The following CCDC171 variants were observed in gnomAD, a reference collection of about 807,000 sequenced individuals.
CCDC171 encodes the protein coiled-coil domain-containing protein 171.
Under a neutral mutation model 168.2 loss-of-function variants are expected in CCDC171, and 177 were observed. The ratio of observed to expected loss-of-function variants is 1.05; its 90% CI spans 0.93 to 1.19. The LOEUF (loss-of-function observed/expected upper bound fraction) is 1.19, where lower values mean the gene tolerates loss of function less well. Ranked by LOEUF, CCDC171 falls within the 50% of genes most tolerant of loss-of-function variation. The probability of loss-of-function intolerance (pLI) is 0.00; values close to 1 mark genes in which losing one functional copy is unlikely to be tolerated. For missense variants in CCDC171, 1,991 were observed against 1,539.0 expected, an observed-to-expected ratio of 1.29 and a Z score of -4.91; for synonymous variants, 687 against 540.8, an observed-to-expected ratio of 1.27 and a Z score of -3.75.
In CCDC171 at chr9:15,587,139, C is replaced by T. The variant is rs150623479; in HGVS notation, c.353-4227C>T. On this transcript the variant is annotated intron_variant, in intron 4 of 25. Coordinates refer to ENST00000380701, the MANE Select transcript of CCDC171 (RefSeq NM_173550.4). ...CCAGCTTCCTTTATATATTGACTTC[C>T]CCAAAAGCTAACACCTGGATTTCTA... Among the ~76,000 whole-genome samples, 239 of 152,154 alleles carry T rather than the reference C, an allele frequency of 1.6e-3. 1 individual carries two copies. Among genetic ancestry groups the T allele is most frequent in the African/African-American group, 5.0e-3 (207 of 41,492 alleles).
chr9:15,600,314 G>A (rs2042738103), intron 6 of CCDC171, among the ~76,000 whole-genome samples: 1 of 152,118 alleles, frequency 6.6e-6, no homozygotes, highest in South Asian at 2.1e-4. Flanking sequence ...ATGGGGTTTT[G>A]GTGTGGGTGT....
At chr9:16,093,415 C>T in the CCDC171 span, among the ~76,000 whole-genome samples, 1 of 152,166 alleles carries the variant, frequency 6.6e-6, no homozygotes, top group Non-Finnish European at 1.5e-5. Context: ...ACCCCACCAG[C>T]CCCATTTCTA....
At chr9:15,938,407 A>G (rs995208635) in intron 25 of CCDC171, among the ~76,000 whole-genome samples, 1 of 151,942 alleles carries the variant, frequency 6.6e-6, no homozygotes, top group Non-Finnish European at 1.5e-5. Context: ...AAGCTTAAAT[A>G]AAAGTTTTAC....
At chr9:15,698,494 C>G (rs1019023364) in intron 11 of CCDC171, among the ~76,000 whole-genome samples, 1 of 147,446 alleles carries the variant, frequency 6.8e-6, no homozygotes, top group African/African-American at 2.5e-5. Flanking sequence ...GCACTCCAGC[C>G]TGGGCAACAG....
At chr9:15,689,652 A>G (rs371946520) in intron 10 of CCDC171, among the ~76,000 whole-genome samples, 1 of 152,338 alleles carries the variant, frequency 6.6e-6, no homozygotes, top group East Asian at 1.9e-4. Flanking sequence ...CAGAGGTTGC[A>G]GTGAGCCAAG....
At chr9:15,694,240 T>C (rs761887973) in intron 10 of CCDC171, among the ~76,000 whole-genome samples, 1 of 152,202 alleles carries the variant, frequency 6.6e-6, no homozygotes, top group Non-Finnish European at 1.5e-5. Flanking sequence ...TCAAACACTT[T>C]AAGGCAAGTT....
At chr9:15,908,747 G>A (rs957179066) in intron 24 of CCDC171, among the ~76,000 whole-genome samples, 1 of 152,152 alleles carries the variant, frequency 6.6e-6, no homozygotes, top group African/African-American at 2.4e-5. Context: ...GCTTCAGGAA[G>A]CTTAAGATTC....
At chr9:15,717,205 CTT>C (rs1177747524) in intron 11 of CCDC171, among the ~76,000 whole-genome samples, 1 of 152,166 alleles carries the variant, frequency 6.6e-6, no homozygotes, top group East Asian at 1.9e-4. Context: ...GATTGTGGGA[CTT>C]TGCATTGAAG....
the CCDC171 span, among the ~76,000 whole-genome samples, chr9:16,072,667 C>T: frequency 6.6e-6 from 1 of 152,242 alleles, no homozygotes; most frequent in East Asian, 1.9e-4. Flanking sequence ...GGGACGGCAT[C>T]GTGATCAAGA....
the CCDC171 span, among the ~76,000 whole-genome samples, chr9:16,076,051 C>T: frequency 2.0e-5 from 3 of 152,116 alleles, no homozygotes; most frequent in African/African-American, 7.2e-5. Flanking sequence ...TGTGATCCAC[C>T]AATGCAGAGG....
At position 15,678,796 on chromosome 9, in the gene CCDC171, A is replaced by G. The variant is rs2049827131; in HGVS notation, c.1115A>G (p.Asn372Ser). 6.3e-6 allele frequency: 10 copies of G among 1,594,248 alleles called. No individual in the cohort carries two copies. Among genetic ancestry groups the G allele is most frequent in the South Asian group, 4.6e-5 (4 of 86,350 alleles). ...KEYFSKNKKL[N>S]EDIEEQKKVI... Reference sequence around the variant, plus strand: ...TATTTCTCCAAAAATAAGAAACTAAATGAAGACATCGAGGAACAGAAGAAA... The same window carrying G: ...TATTTCTCCAAAAATAAGAAACTAAGTGAAGACATCGAGGAACAGAAGAAA... The change falls in exon 10 of 26, where the codon AAT (asparagine) becomes AGT (serine). Residue 372 changes from asparagine to serine, a missense_variant. Transcript: ENST00000380701.
At chr9:16,053,599 A>G (rs1181620290) in intron 1 of CCDC171, among the ~76,000 whole-genome samples, 4 of 152,202 alleles carry the variant, frequency 2.6e-5, no homozygotes, top group African/African-American at 7.2e-5. Flanking sequence ...GTGCCTCTCC[A>G]TAAAGCAATC....
chr9:15,662,245 C>G (rs565030305), intron 8 of CCDC171, among the ~76,000 whole-genome samples: 2 of 152,288 alleles, frequency 1.3e-5, no homozygotes, highest in South Asian at 2.1e-4. Context: ...CCACTGCACT[C>G]CAGCCTGGGT....
chr9:15,784,673 A>C lies in CCDC171; in HGVS notation c.3246A>C (p.Gln1082His), dbSNP rs535284505. The C allele has an allele frequency of 2.3e-5, 37 of 1,612,648 alleles. 1 individual carries two copies. The South Asian group carries it at 3.7e-4, about 16-fold the overall frequency. The change falls in exon 21 of 26, where the codon CAA becomes CAC. Residue 1082 changes from glutamine to histidine, a missense_variant. Physicochemically the swap from Gln to His is conservative, Grantham distance 24. Coordinates refer to ENST00000380701, the MANE Select transcript of CCDC171 (RefSeq NM_173550.4). ...CCAGTGAGGAAGCTGACAAAAACCA[A>C]ACTCTTGGAGAAGCTGTTAAGGTAA... The part of the protein sequence containing the change: ...LHSSEEADKN[Q>H]TLGEAVKSLS...
chr9:15,745,061 T>G (rs2055174673), intron 17 of CCDC171, among the ~76,000 whole-genome samples: 1 of 152,238 alleles, frequency 6.6e-6, no homozygotes, highest in African/African-American at 2.4e-5. Flanking sequence ...AAGTGGAGAG[T>G]TTATACAGTG....
chr9:15,697,663 A>T (rs1218973416), intron 11 of CCDC171, among the ~76,000 whole-genome samples: 1 of 152,196 alleles, frequency 6.6e-6, no homozygotes, highest in African/African-American at 2.4e-5. Flanking sequence ...TGAGAGCATT[A>T]TGTCAAAAAA....
rs1826469768 is a variant in CCDC171 at position 15,931,302 on chromosome 9, C to G, written c.3753+10880C>G. The stretch of plus-strand genomic sequence containing the variant: ...GATTCTAACTGAAATGAGGTGATAT[C>G]TCATTGTGGTTTTGATTTGCATTTC... On this transcript the variant is annotated intron_variant, in intron 25 of 25. Coordinates refer to ENST00000380701, the MANE Select transcript of CCDC171 (RefSeq NM_173550.4). Among the ~76,000 whole-genome samples the G allele has an allele frequency of 2.0e-5, 3 of 151,660 alleles. No homozygotes were observed. The South Asian group carries it at 6.2e-4, about 31-fold the overall frequency.
intron 21 of CCDC171, among the ~76,000 whole-genome samples, chr9:15,812,280 T>C (rs980833007): frequency 6.6e-6 from 1 of 152,200 alleles, no homozygotes; most frequent in Non-Finnish European, 1.5e-5. Context: ...TAAGTTCAAG[T>C]TCACATGCTA....
the CCDC171 span, among the ~76,000 whole-genome samples, chr9:16,104,367 C>T: frequency 2.0e-5 from 3 of 152,070 alleles, no homozygotes; most frequent in South Asian, 2.1e-4. Flanking sequence ...TCCAGCTGCC[C>T]GTGGTCTGTG....
Sources: gnomAD v4.1 joint callset for allele counts (sites outside exome capture counted in the v4.1 genomes callset) on GRCh38, gnomAD v4.1.1 for gene constraint, MANE v1.5 for transcripts, NCBI Gene and HGNC (gene_info 2026-07-23, HGNC 2026-07-21) for gene names.